The following LIMK1 variants were observed in gnomAD, a reference collection of about 807,000 sequenced individuals.
The protein encoded by LIMK1 is LIM motif-containing protein kinase.
A neutral mutation model predicts 77.6 loss-of-function variants in LIMK1; 21 were observed. The ratio of observed to expected loss-of-function variants is 0.27; its 90% CI spans 0.19 to 0.39. The LOEUF is 0.39. LIMK1 is among the 10% of genes least tolerant of loss of function. The probability of loss-of-function intolerance (pLI) is 1.00; values close to 1 mark genes in which losing one functional copy is unlikely to be tolerated. For missense variants in LIMK1, 696 were observed against 901.6 expected, an observed-to-expected ratio of 0.77 and a Z score of 2.92; for synonymous variants, 358 against 370.0, an observed-to-expected ratio of 0.97 and a Z score of 0.37.
chr7:74,099,079 T>A lies in LIMK1; in HGVS notation c.449T>A (p.Ile150Asn). 1 of 1,613,314 alleles carries A rather than the reference T, an allele frequency of 6.2e-7. No individual in the cohort carries two copies. The highest frequency in any genetic ancestry group is 8.5e-7 in the Non-Finnish European group (1 of 1,179,988). The change falls in exon 5 of 16, where the codon ATC becomes AAC. Residue 150 changes from isoleucine to asparagine, a missense_variant. Coordinates refer to ENST00000336180, the MANE Select transcript of LIMK1 (RefSeq NM_002314.4). ...GTGGTGACCCCCGTCATCGAGCAGATCCTGCCTGACTCCCCTGGCTCCCAC... is the reference window on the plus strand; with the variant it reads ...GTGGTGACCCCCGTCATCGAGCAGAACCTGCCTGACTCCCCTGGCTCCCAC... ...QTVVTPVIEQ[I>N]LPDSPGSHLP...
chr7:74,118,380 A>ACACT (rs1169180313), intron 13 of LIMK1, among the ~76,000 whole-genome samples: 4 of 22,022 alleles, frequency 1.8e-4, no homozygotes, highest in Admixed American at 1.3e-3. Flanking sequence ...TGTGTCAAAC[A>ACACT]CACACACACA....
intron 2 of LIMK1, 150 bp downstream of exon 2, chr7:74,085,994 G>C: frequency 3.3e-6 from 2 of 612,412 alleles, no homozygotes; most frequent in South Asian, 3.8e-5. Context: ...TATGACATGA[G>C]GTGTTTTGAC....
chr7:74,121,016 C>A lies in LIMK1; in HGVS notation c.1748C>A (p.Thr583Asn). Residue 583 changes from threonine (T) to asparagine (N), a missense_variant, in exon 15 of 16, where the codon ACC becomes AAC. Physicochemically the swap from Thr to Asn is moderately conservative, Grantham distance 65. Coordinates refer to ENST00000336180, the MANE Select transcript of LIMK1 (RefSeq NM_002314.4). ...PNCPPSFFPI[T>N]VRCCDLDPEK... ...TGCCCCCCGAGCTTCTTCCCCATCA[C>A]CGTGCGCTGTTGCGATCTGGACCCC... is the stretch of plus-strand genomic sequence containing the variant. The A allele has an allele frequency of 6.2e-7, 1 of 1,602,304 alleles. No homozygotes were observed. Among genetic ancestry groups the A allele is most frequent in the Non-Finnish European group, 8.5e-7 (1 of 1,174,108 alleles).
chr7:74,101,903 T>C (rs1373560178), intron 5 of LIMK1, among the ~76,000 whole-genome samples: 1 of 152,050 alleles, frequency 6.6e-6, no homozygotes, highest in Non-Finnish European at 1.5e-5. Flanking sequence ...TAGCTCACTA[T>C]AGCCTCAGAT....
At chr7:74,119,820 A>G (rs1636473) in intron 13 of LIMK1, among the ~76,000 whole-genome samples, 1 of 152,060 alleles carries the variant, frequency 6.6e-6, no homozygotes, top group Non-Finnish European at 1.5e-5. Context: ...AGGCAGGAGA[A>G]TCGCTTGAAC....
In LIMK1 at chr7:74,122,071, G is replaced by C. The variant is rs1286613568; in HGVS notation, c.*770G>C. 1 of 152,744 alleles carries C rather than the reference G, an allele frequency of 6.5e-6. No homozygotes were observed. Among genetic ancestry groups the C allele is most frequent in the African/African-American group, 2.4e-5 (1 of 41,460 alleles). 9.5% of individuals were successfully genotyped at this position (152,744 alleles called of 1,614,324 possible). On this transcript the variant is annotated 3_prime_UTR_variant, in exon 16 of 16. Coordinates refer to ENST00000336180, the MANE Select transcript of LIMK1 (RefSeq NM_002314.4). ...GGGGAGGAGCCGGCTCCGGCAGTGA[G>C]AGGATAGGCACAGTGGACCGGGCAG...
intron 2 of LIMK1, 147 bp downstream of exon 2, chr7:74,085,991 T>C (rs1163624745): frequency 1.1e-5 from 7 of 612,472 alleles, no homozygotes; most frequent in Non-Finnish European, 1.7e-5. Context: ...ATTTATGACA[T>C]GAGGTGTTTT....
intron 9 of LIMK1, 119 bp from the exon 10 acceptor site, chr7:74,108,786 G>T: frequency 6.8e-7 from 1 of 1,465,702 alleles, no homozygotes; most frequent in Non-Finnish European, 9.1e-7. Flanking sequence ...GAGGGGAGCT[G>T]GGGGTTCCGT....
chr7:74,092,464 A>G (rs943096306), intron 2 of LIMK1, among the ~76,000 whole-genome samples: 2 of 152,138 alleles, frequency 1.3e-5, no homozygotes, highest in Non-Finnish European at 1.5e-5. Flanking sequence ...CTGCAGGCCC[A>G]TGGGACCTCT....
rs1799077133 is a variant in LIMK1 at position 74,083,883 on chromosome 7, G to GGCCCGC, written c.-103_-98dup. 6.5e-6 allele frequency: 1 copy of GGCCCGC among 152,838 alleles called. No homozygotes were observed. The highest frequency in any genetic ancestry group is 1.9e-4 in the South Asian group (1 of 5,402). 9.5% of individuals were successfully genotyped at this position (152,838 alleles called of 1,614,324 possible). A position where few individuals can be genotyped will look rare whatever the true frequency, so the allele number is the denominator to read the frequency against. On this transcript the variant is annotated 5_prime_UTR_variant, in exon 1 of 16. Transcript: ENST00000336180. ...AGGCGCCCCCGGCCCGGCCCGGCCC[G>GGCCCGC]GCCCGCGCCCTCCGCCCCCGCCTCC...
intron 13 of LIMK1, 136 bp from the exon 14 acceptor site, chr7:74,120,447 T>C (rs1799907577): frequency 1.2e-6 from 1 of 849,472 alleles, no homozygotes; most frequent in South Asian, 1.5e-5. Flanking sequence ...TGGGTTCCCA[T>C]AGAGGTTGCC....
chr7:74,095,917 G>A (rs1460844883), intron 2 of LIMK1, among the ~76,000 whole-genome samples: 3 of 151,356 alleles, frequency 2.0e-5, no homozygotes, highest in East Asian at 2.0e-4. Flanking sequence ...CAGGCGAACC[G>A]TGGCTTTGAT....
chr7:74,121,433 C>T lies in LIMK1; in HGVS notation c.*132C>T, dbSNP rs782749603. 9.6e-6 allele frequency: 9 copies of T among 941,096 alleles called. No individual in the cohort carries two copies. The highest frequency in any genetic ancestry group is 1.1e-5 in the Non-Finnish European group (7 of 650,058). 58.3% of individuals were successfully genotyped at this position (941,096 alleles called of 1,614,324 possible). On this transcript the variant is annotated 3_prime_UTR_variant, in exon 16 of 16. Coordinates refer to ENST00000336180, the MANE Select transcript of LIMK1 (RefSeq NM_002314.4). Reference sequence around the variant, plus strand: ...TCCTCAGAGCCAGGCCCTGACTTGCCTTCTCCCACCCCGTGGACCGCTTCC... The same window carrying T: ...TCCTCAGAGCCAGGCCCTGACTTGCTTTCTCCCACCCCGTGGACCGCTTCC...
chr7:74,109,222 C>T lies in LIMK1; in HGVS notation c.1284+186C>T, dbSNP rs1799648005. ...ATCTAAAGCTAGGAAAGGCCAGGTA[C>T]AATGGTGCACACCTGTTATTCTGGC... On this transcript the variant is annotated intron_variant, in intron 10 of 15. Coordinates refer to ENST00000336180, the MANE Select transcript of LIMK1 (RefSeq NM_002314.4). 4 of 583,756 alleles carry T rather than the reference C, an allele frequency of 6.9e-6. No homozygotes were observed. The East Asian group carries it at 1.3e-4, about 19-fold the overall frequency. 36.2% of individuals were successfully genotyped at this position (583,756 alleles called of 1,614,324 possible).
chr7:74,111,668 C>T lies in LIMK1; in HGVS notation c.1305C>T (p.Ser435=). ...CCCAGGACAGCCAGTACCCATGGAG[C>T]CAGAGAGTGAGCTTTGCCAAGGACA... is the stretch of plus-strand genomic sequence containing the variant. ...IKSMDSQYPW[S]QRVSFAKDIA... Residue 435 remains serine (S), a synonymous_variant, in exon 11 of 16, where the codon AGC becomes AGT. Coordinates refer to ENST00000336180, the MANE Select transcript of LIMK1 (RefSeq NM_002314.4). 2 of 1,613,376 alleles carry T rather than the reference C, an allele frequency of 1.2e-6. No homozygotes were observed. The highest frequency in any genetic ancestry group is 2.2e-5 in the East Asian group (1 of 44,860).
rs145502526 is a variant in LIMK1 at position 74,107,086 on chromosome 7, C to T, written c.958C>T (p.Arg320Cys). 2.3e-5 allele frequency: 37 copies of T among 1,610,654 alleles called. No homozygotes were observed. Among genetic ancestry groups the T allele is most frequent in the African/African-American group, 4.0e-5 (3 of 74,902 alleles). Residue 320 changes from arginine to cysteine, a missense_variant, in exon 8 of 16, where the codon CGC becomes TGC. By Grantham distance (180) the Arg-to-Cys change is radical. Coordinates refer to ENST00000336180, the MANE Select transcript of LIMK1 (RefSeq NM_002314.4). ...GGCCTCCCAGCGCAAGGACCTGGGT[C>T]GCTCTGAGTCCCTCCGCGTAGTCTG... ...SPASQRKDLG[R>C]SESLRVVCRP...
In LIMK1 at chr7:74,106,217, C is replaced by A. The variant is rs1459522585; in HGVS notation, c.855C>A (p.Gly285=). 6.2e-7 allele frequency: 1 copy of A among 1,612,770 alleles called. No individual in the cohort carries two copies. The highest frequency in any genetic ancestry group is 1.3e-5 in the African/African-American group (1 of 74,890). ...CTTATACTCCCAGCGGGGAGGCGGGCAGCTCTGCCCGGCAGAAACCTGTCT... is the reference window on the plus strand; with the variant it reads ...CTTATACTCCCAGCGGGGAGGCGGGAAGCTCTGCCCGGCAGAAACCTGTCT... ...SPAYTPSGEA[G]SSARQKPVLR... The change falls in exon 7 of 16, where the codon GGC becomes GGA. Residue 285 remains glycine (G), a synonymous_variant. Transcript: ENST00000336180.
In LIMK1 at chr7:74,093,650, G is replaced by T. The variant is rs564759670; in HGVS notation, c.153-2972G>T. ...AGAGCACCCCTTTCATGCCCTCCGG[G>T]TGCCTCCCCCTTCTCCTGCCCCAGC... On this transcript the variant is annotated intron_variant, in intron 2 of 15. Coordinates refer to ENST00000336180, the MANE Select transcript of LIMK1 (RefSeq NM_002314.4). Among the ~76,000 whole-genome samples, 244 of 152,294 alleles carry T rather than the reference G, an allele frequency of 1.6e-3. 4 individuals are homozygous for T. The highest frequency in any genetic ancestry group is 1.8e-4 in the Non-Finnish European group (12 of 68,024).
At chr7:74,110,899 G>C (rs1799685436) in intron 10 of LIMK1, 1 of 152,192 alleles carries the variant, frequency 6.6e-6, no homozygotes, top group African/African-American at 2.4e-5. Flanking sequence ...AGCTATAGAG[G>C]AATATCCCTG....
Sources: gnomAD v4.1 joint callset for allele counts (sites outside exome capture counted in the v4.1 genomes callset) on GRCh38, gnomAD v4.1.1 for gene constraint, MANE v1.5 for transcripts, NCBI Gene and HGNC (gene_info 2026-07-23, HGNC 2026-07-21) for gene names.